PTP4A3: variants seen among roughly 807,000 people sequenced by gnomAD.
PTP4A3 encodes protein tyrosine phosphatase type IVA 3.
PTP4A3 carries 9 observed loss-of-function variants against 15.2 expected under a neutral mutation model. The ratio of observed to expected loss-of-function variants is 0.59; its 90% confidence interval spans 0.36 to 1.03. The LOEUF (loss-of-function observed/expected upper bound fraction) is 1.03, where lower values mean the gene tolerates loss of function less well. Ranked by LOEUF, PTP4A3 falls within the 50% of genes least tolerant of loss-of-function variation. PTP4A3 has a pLI of 0.02. For missense variants in PTP4A3, 234 were observed against 252.1 expected (o/e 0.93, Z 0.49); for synonymous variants, 95 against 102.0 (o/e 0.93, Z 0.41).
chr8:141,414,621 TGG>T (rs55699226), intron 1 of PTP4A3, among the ~76,000 whole-genome samples: 21,032 of 120,358 alleles, frequency 0.17, 1,958 homozygotes, highest in East Asian at 0.46. Context: ...AGCCCTGGAC[TGG>T]GGGGGGGGTA....
chr8:141,422,462 C>T, intron 2 of PTP4A3, 117 bp downstream of exon 2: 2 of 1,105,342 alleles, frequency 1.8e-6, no homozygotes, highest in Non-Finnish European at 2.7e-6. Flanking sequence ...ACAGGGCTCA[C>T]AGCCTTGGAA....
intron 1 of PTP4A3, among the ~76,000 whole-genome samples, chr8:141,399,137 C>A (rs1832522787): frequency 6.6e-6 from 1 of 152,190 alleles, no homozygotes; most frequent in South Asian, 2.1e-4. Flanking sequence ...GTCACCACCC[C>A]TCCTGTGGCA....
Position 141,426,929 on chromosome 8 carries a change from C to T in PTP4A3, c.199-10C>T. ...CAGCCGGGGGTCCTCATGTCTGCTT[C>T]CCTCCGTAGGACTGGCCGTTTGACG... On this transcript the variant is annotated splice_polypyrimidine_tract_variant and intron_variant, in intron 3 of 5. Coordinates refer to ENST00000521578, the MANE Select transcript of PTP4A3 (RefSeq NM_032611.3). 6.2e-7 allele frequency: 1 copy of T among 1,610,378 alleles called. No homozygotes were observed. Among genetic ancestry groups the T allele is most frequent in the East Asian group, 2.2e-5 (1 of 44,822 alleles).
At position 141,405,969 on chromosome 8, in the gene PTP4A3, G is replaced by T. The variant is rs562556318; in HGVS notation, c.-854+13885G>T. Among the ~76,000 whole-genome samples the T allele has an allele frequency of 2.2e-4, 34 of 152,244 alleles. 1 individual carries two copies. The South Asian group carries it at 6.8e-3, about 31-fold the overall frequency. ...GAGGCTACAGCAGATGAGGAGAGGG[G>T]AGTGGTAGGAGGTCAGAGGGCAGGG... On this transcript the variant is annotated intron_variant, in intron 1 of 5. Coordinates refer to ENST00000521578, the MANE Select transcript of PTP4A3 (RefSeq NM_032611.3).
In PTP4A3 at chr8:141,431,244, C is replaced by T. The variant is rs1833861281; in HGVS notation, c.*200C>T. On this transcript the variant is annotated 3_prime_UTR_variant, in exon 6 of 6. Transcript: ENST00000521578. ...CCTCGGGCCCTGGGTGGCCTCTGGG[C>T]CCTTTCTCCTGTCTCCGCCACTCCC... 1 of 593,464 alleles carries T rather than the reference C, an allele frequency of 1.7e-6. No individual in the cohort carries two copies. Among genetic ancestry groups the T allele is most frequent in the Admixed American group, 3.1e-5 (1 of 32,760 alleles). The allele number at this position is 593,464 out of a possible 1,614,324, so 36.8% of individuals were successfully genotyped here.
intron 1 of PTP4A3, among the ~76,000 whole-genome samples, chr8:141,417,776 C>G (rs143354433): frequency 6.6e-6 from 1 of 152,032 alleles, no homozygotes; most frequent in Non-Finnish European, 1.5e-5. Flanking sequence ...TGCGCGGCCC[C>G]TTTGTTTCCC....
Position 141,425,884 on chromosome 8 carries a change from C to T in PTP4A3, c.198+744C>T, listed in dbSNP as rs563754729. Among the ~76,000 whole-genome samples the T allele has an allele frequency of 2.0e-5, 3 of 152,276 alleles. No homozygotes were observed. The highest frequency in any genetic ancestry group is 6.5e-5 in the Admixed American group (1 of 15,306). ...TTGGGGTCAGACAGGCCTTGGGCTG[C>T]GTCCCGCCTCTGCCCTCCCCAGCCT... On this transcript the variant is annotated intron_variant, in intron 3 of 5. Coordinates refer to ENST00000521578, the MANE Select transcript of PTP4A3 (RefSeq NM_032611.3). The surrounding 1 kb of genome is among the most constrained non-coding windows in gnomAD (Gnocchi z 4.2).
rs149446961 is a variant in PTP4A3 at position 141,395,205 on chromosome 8, GA to G, written c.-854+3122del. On this transcript the variant is annotated intron_variant, in intron 1 of 5. Coordinates refer to ENST00000521578, the MANE Select transcript of PTP4A3 (RefSeq NM_032611.3). ...GCCCAGTAGGCGTTCACCTGGCAGA[GA>G]GTGTGCGCGTGTCTCCCCTCCTTGG... Among the ~76,000 whole-genome samples the G allele has an allele frequency of 7.5e-3, 1,138 of 152,110 alleles. 13 individuals carry two copies. Among genetic ancestry groups the G allele is most frequent in the African/African-American group, 0.026 (1,068 of 41,372 alleles).
Position 141,426,990 on chromosome 8 carries a change from T to C in PTP4A3, c.250T>C (p.Trp84Arg). The C allele has an allele frequency of 6.2e-7, 1 of 1,607,932 alleles. No homozygotes were observed. The stretch of plus-strand genomic sequence containing the variant: ...CCCGCCCGGCAAGGTAGTGGAAGAC[T>C]GGCTGAGCCTGGTGAAGGCCAAGTT... ...APPPGKVVED[W>R]LSLVKAKFCE... The change falls in exon 4 of 6, where the codon TGG (tryptophan) becomes CGG (arginine). Residue 84 changes from tryptophan (W) to arginine (R), a missense_variant. By Grantham distance (101) the Trp-to-Arg change is moderately radical. Coordinates refer to ENST00000521578, the MANE Select transcript of PTP4A3 (RefSeq NM_032611.3).
chr8:141,413,053 G>A (rs1020525895), intron 1 of PTP4A3, among the ~76,000 whole-genome samples: 2 of 152,204 alleles, frequency 1.3e-5, no homozygotes, highest in Admixed American at 6.5e-5. Flanking sequence ...CAGGCCATGC[G>A]GACCCTTGGA....
chr8:141,425,196 C>CGGGGGGGGGGGGGGGGGGGG lies in PTP4A3; in HGVS notation c.198+62_198+63insGGGGGGGGGGGGGGGGGGGG. 9 of 361,474 alleles carry CGGGGGGGGGGGGGGGGGGGG rather than the reference C, an allele frequency of 2.5e-5. No individual in the cohort carries two copies. The highest frequency in any genetic ancestry group is 5.1e-4 in the Middle Eastern group (1 of 1,962). The allele number at this position is 361,474 out of a possible 1,614,324, so 22.4% of individuals were successfully genotyped here. A position where few individuals can be genotyped will look rare whatever the true frequency, so the allele number is the denominator to read the frequency against. On this transcript the variant is annotated intron_variant, in intron 3 of 5. Coordinates refer to ENST00000521578, the MANE Select transcript of PTP4A3 (RefSeq NM_032611.3). The surrounding 1 kb of genome is among the most constrained non-coding windows in gnomAD (Gnocchi z 4.2). ...CTGCTGCCACCGGGGGAGGGTGGGG[C>CGGGGGGGGGGGGGGGGGGGG]GGGGGGCTCCGGGCCTGCGCAGAGG...
At chr8:141,414,568 C>T (rs75221267) in intron 1 of PTP4A3, among the ~76,000 whole-genome samples, 4,718 of 142,086 alleles carry the variant, frequency 0.033, 107 homozygotes, top group Non-Finnish European at 0.046. Flanking sequence ...AGGAGAGGTT[C>T]GGGCAGGTGG....
chr8:141,415,942 G>A (rs1210133050), intron 1 of PTP4A3, among the ~76,000 whole-genome samples: 1 of 151,886 alleles, frequency 6.6e-6, no homozygotes, highest in African/African-American at 2.4e-5. Flanking sequence ...AGCAATGGGC[G>A]GACTTGGGCC....
chr8:141,414,639 T>G (rs1832968781), intron 1 of PTP4A3, among the ~76,000 whole-genome samples: 1 of 144,254 alleles, frequency 6.9e-6, no homozygotes, highest in African/African-American at 2.7e-5. Flanking sequence ...GGGTAGGGAC[T>G]GTTGGGCAGC....
chr8:141,418,962 C>T (rs543556335), intron 1 of PTP4A3, among the ~76,000 whole-genome samples: 1 of 152,100 alleles, frequency 6.6e-6, no homozygotes, highest in Admixed American at 6.5e-5. Flanking sequence ...TTTGCTCTCA[C>T]CTGGGGCAGG....
Position 141,403,146 on chromosome 8 carries a change from G to T in PTP4A3, c.-854+11062G>T, listed in dbSNP as rs185444356. Among the ~76,000 whole-genome samples, 15 of 152,332 alleles carry T rather than the reference G, an allele frequency of 9.8e-5. 1 individual carries two copies. The highest frequency in any genetic ancestry group is 3.4e-3 in the Middle Eastern group (1 of 294). On this transcript the variant is annotated intron_variant, in intron 1 of 5. Coordinates refer to ENST00000521578, the MANE Select transcript of PTP4A3 (RefSeq NM_032611.3). ...GACGCAGAGCCCTGGGCCAACCCCA[G>T]GATGAGCCCCATCAGCCTCTCCTTC...
At chr8:141,415,776 G>T (rs1833026431) in intron 1 of PTP4A3, among the ~76,000 whole-genome samples, 1 of 140,460 alleles carries the variant, frequency 7.1e-6, no homozygotes, top group South Asian at 2.4e-4. Context: ...GTGGGGTGGG[G>T]TGGGGAGAGG....
At chr8:141,418,905 G>GCCA (rs1313275447) in intron 1 of PTP4A3, among the ~76,000 whole-genome samples, 6 of 152,152 alleles carry the variant, frequency 3.9e-5, no homozygotes, top group Non-Finnish European at 8.8e-5. Context: ...TTGGGGGACA[G>GCCA]CCACCAGGCA....
chr8:141,424,129 C>T (rs1431869328), intron 2 of PTP4A3, among the ~76,000 whole-genome samples: 1 of 152,096 alleles, frequency 6.6e-6, no homozygotes, highest in Non-Finnish European at 1.5e-5. Context: ...GAGCCCAGCA[C>T]CCTGCCTGCT....
Sources: allele counts gnomAD v4.1 joint callset (sites outside exome capture counted in the v4.1 genomes callset), GRCh38; gene constraint gnomAD v4.1.1; non-coding constraint Gnocchi (gnomAD v3.1); transcripts MANE v1.5; gene names NCBI Gene and HGNC (gene_info 2026-07-23, HGNC 2026-07-21).